PLD5: variants seen among roughly 807,000 people sequenced by gnomAD.
The protein encoded by PLD5 is inactive phospholipase D5.
Under a neutral mutation model 61.1 loss-of-function variants are expected in PLD5, and 36 were observed. The ratio of observed to expected loss-of-function variants is 0.59; its 90% confidence interval spans 0.45 to 0.78. PLD5 has a LOEUF of 0.78. Ranked by LOEUF, PLD5 falls within the 30% of genes least tolerant of loss-of-function variation. The pLI, the probability that PLD5 is intolerant of heterozygous loss-of-function variation, is 0.00. For missense variants in PLD5, 515 were observed against 644.4 expected, an observed-to-expected ratio of 0.80 and a Z score of 2.17; for synonymous variants, 243 against 242.8, an observed-to-expected ratio of 1.00 and a Z score of -0.01.
intron 1 of PLD5, among the ~76,000 whole-genome samples, chr1:242,513,409 A>C (rs1668999697): frequency 7.6e-6 from 1 of 131,416 alleles, no homozygotes; most frequent in Non-Finnish European, 1.6e-5. Context: ...GCCCTCAAAA[A>C]CTTTCCATTG....
chr1:242,519,893 G>A (rs2103011012), intron 1 of PLD5, among the ~76,000 whole-genome samples: 1 of 152,176 alleles, frequency 6.6e-6, no homozygotes, highest in East Asian at 1.9e-4. Flanking sequence ...GAAGCTCTTT[G>A]GGCAGAGTGA....
intron 5 of PLD5, among the ~76,000 whole-genome samples, chr1:242,212,849 A>G (rs1669918696): frequency 6.6e-6 from 1 of 152,354 alleles, no homozygotes; most frequent in South Asian, 2.1e-4. Context: ...GGCCACCGTT[A>G]TCTCTCTCCT....
Position 242,410,840 on chromosome 1 carries a change from T to G in PLD5, c.190-62598A>C, listed in dbSNP as rs138985288. On this transcript the variant is annotated intron_variant, in intron 1 of 9. Coordinates refer to ENST00000536534, the MANE Select transcript of PLD5 (RefSeq NM_001372062.1). ...ATGCTCAGATTCTGTGATCCTGCAG[T>G]GTAGGTCTTAGGTGATCAAGCACTA... 3.6e-3 allele frequency among the ~76,000 whole-genome samples: 543 copies of G among 152,158 alleles called. 7 individuals are homozygous for G. The highest frequency in any genetic ancestry group is 0.012 in the African/African-American group (505 of 41,518).
At chr1:242,194,636 ATCT>A (rs1474807532) in intron 5 of PLD5, among the ~76,000 whole-genome samples, 1 of 123,356 alleles carries the variant, frequency 8.1e-6, no homozygotes, top group African/African-American at 3.0e-5. Flanking sequence ...CTATCTATCT[ATCT>A]ATCTATCTAT....
chr1:242,180,019 A>G (rs1667419848), intron 5 of PLD5, among the ~76,000 whole-genome samples: 1 of 152,084 alleles, frequency 6.6e-6, no homozygotes, highest in Non-Finnish European at 1.5e-5. Flanking sequence ...TTCAGTGCAC[A>G]CTCACTAAAA....
intron 1 of PLD5, among the ~76,000 whole-genome samples, chr1:242,496,327 A>G (rs1668368120): frequency 6.6e-6 from 1 of 152,222 alleles, no homozygotes; most frequent in South Asian, 2.1e-4. Context: ...AATACTCCAC[A>G]CAATTACTCT....
intron 4 of PLD5, among the ~76,000 whole-genome samples, chr1:242,260,136 C>T (rs1673299070): frequency 6.6e-6 from 1 of 152,088 alleles, no homozygotes; most frequent in Non-Finnish European, 1.5e-5. Context: ...ATCATGAGGT[C>T]AGGAGTTCGA....
chr1:242,221,587 G>A (rs762022465), intron 4 of PLD5, among the ~76,000 whole-genome samples: 7 of 152,196 alleles, frequency 4.6e-5, no homozygotes, highest in Admixed American at 2.0e-4. Context: ...GAATCTCTGA[G>A]GGGAAGACAG....
intron 5 of PLD5, among the ~76,000 whole-genome samples, chr1:242,183,138 C>T (rs1475387264): frequency 6.6e-6 from 1 of 152,110 alleles, no homozygotes; most frequent in African/African-American, 2.4e-5. Flanking sequence ...ATGATTTCTC[C>T]CACAGGCTTC....
At chr1:242,346,211 AC>A (rs200194490) in intron 2 of PLD5, among the ~76,000 whole-genome samples, 1,995 of 151,678 alleles carry the variant, frequency 0.013, 43 homozygotes, top group African/African-American at 0.046. Flanking sequence ...AAATAGCCAG[AC>A]CCTAATTCCA....
At chr1:242,503,596 G>A (rs557833845) in intron 1 of PLD5, among the ~76,000 whole-genome samples, 2 of 152,290 alleles carry the variant, frequency 1.3e-5, no homozygotes, top group African/African-American at 4.8e-5. Context: ...CTTCAAGGAA[G>A]TCCAGATGCC....
chr1:242,226,492 C>G (rs752460757), intron 4 of PLD5, among the ~76,000 whole-genome samples: 1 of 152,314 alleles, frequency 6.6e-6, no homozygotes, highest in Non-Finnish European at 1.5e-5. Context: ...TATATCCTTT[C>G]TATTGTTGCT....
At chr1:242,383,957 C>T (rs1376798326) in intron 1 of PLD5, among the ~76,000 whole-genome samples, 2 of 152,146 alleles carry the variant, frequency 1.3e-5, no homozygotes, top group Non-Finnish European at 2.9e-5. Flanking sequence ...CCACTGTCAC[C>T]TCAGGCTGCC....
In PLD5 at chr1:242,303,945, G is replaced by A. The variant is rs535459884; in HGVS notation, c.327-15415C>T. 2.7e-4 allele frequency among the ~76,000 whole-genome samples: 41 copies of A among 152,212 alleles called. 1 individual carries two copies. In the South Asian group the frequency reaches 8.5e-3, roughly 32 times the overall value. ...GCTGCATTAATAAATCCCATTATTT[G>A]CAAATTCTTTTTTGCCCACCATGGG... On this transcript the variant is annotated intron_variant, in intron 2 of 9. Coordinates refer to ENST00000536534, the MANE Select transcript of PLD5 (RefSeq NM_001372062.1).
chr1:242,114,069 G>T, intron 6 of PLD5, 43 bp from the exon 7 acceptor site: 1 of 1,592,712 alleles, frequency 6.3e-7, no homozygotes, highest in Non-Finnish European at 8.6e-7. Flanking sequence ...ACTAATTTTT[G>T]GCAGCTGGGG....
chr1:242,471,071 T>C (rs1026624825), intron 1 of PLD5, among the ~76,000 whole-genome samples: 22 of 152,152 alleles, frequency 1.4e-4, no homozygotes, highest in Admixed American at 1.4e-3. Flanking sequence ...ACTAAACTTA[T>C]CAAGGGCTCC....
At chr1:242,320,417 C>A (rs1196050233) in intron 2 of PLD5, among the ~76,000 whole-genome samples, 2 of 152,210 alleles carry the variant, frequency 1.3e-5, no homozygotes, top group African/African-American at 4.8e-5. Flanking sequence ...GCAGAGCTAG[C>A]TACATCTTCA....
At chr1:242,170,832 T>C (rs1316700183) in intron 5 of PLD5, among the ~76,000 whole-genome samples, 4 of 150,084 alleles carry the variant, frequency 2.7e-5, no homozygotes, top group Non-Finnish European at 6.0e-5. Flanking sequence ...CTTAATGAAA[T>C]AAAGCGAGAA....
rs542481339 is a variant in PLD5, at chr1:242,364,606, CT to C, written c.190-16365del. Among the ~76,000 whole-genome samples the C allele has an allele frequency of 2.6e-4, 39 of 152,144 alleles. No individual in the cohort carries two copies. The East Asian group carries it at 7.2e-3, about 28-fold the overall frequency. Reference sequence around the variant, plus strand: ...TGGCATGCACCTGTAATCCCAACCACTTGGGAGGTTGAGGCATGAGAATCGT... The same window carrying C: ...TGGCATGCACCTGTAATCCCAACCACTGGGAGGTTGAGGCATGAGAATCGT... On this transcript the variant is annotated intron_variant, in intron 1 of 9. Coordinates refer to ENST00000536534, the MANE Select transcript of PLD5 (RefSeq NM_001372062.1).
Sources: allele counts gnomAD v4.1 joint callset (sites outside exome capture counted in the v4.1 genomes callset), GRCh38; gene constraint gnomAD v4.1.1; transcripts MANE v1.5; gene names NCBI Gene and HGNC (gene_info 2026-07-23, HGNC 2026-07-21).